The following SPATA13 variants were observed in gnomAD, a reference collection of about 807,000 sequenced individuals.
SPATA13 encodes the protein spermatogenesis associated 13, also known as spermatogenesis-associated protein 13.
A neutral mutation model predicts 104.0 loss-of-function variants in SPATA13; 50 were observed. That is an observed-to-expected ratio of 0.48 (90% CI 0.38 to 0.61). SPATA13 has a LOEUF of 0.61. SPATA13 is among the 20% of genes least tolerant of loss of function. SPATA13 has a pLI of 0.00. For missense variants in SPATA13, 1,524 were observed against 1,690.6 expected (o/e 0.90, Z 1.73); for synonymous variants, 606 against 667.5 (o/e 0.91, Z 1.42).
intron 3 of SPATA13, among the ~76,000 whole-genome samples, chr13:24,124,394 C>T (rs1037051413): frequency 5.3e-5 from 8 of 152,126 alleles, no homozygotes; most frequent in African/African-American, 9.7e-5. Flanking sequence ...AGGACACAGT[C>T]GAGGTGTAGA....
At chr13:24,287,362 T>G (rs1876030453) in intron 7 of SPATA13, among the ~76,000 whole-genome samples, 1 of 152,178 alleles carries the variant, frequency 6.6e-6, no homozygotes, top group African/African-American at 2.4e-5. Flanking sequence ...AGGGTCTCAC[T>G]GCGTTGCCGA....
intron 3 of SPATA13, among the ~76,000 whole-genome samples, chr13:24,106,603 A>T (rs879323738): frequency 6.6e-6 from 1 of 152,128 alleles, no homozygotes; most frequent in Admixed American, 6.5e-5. Context: ...TTTGTGTCTC[A>T]CTGGGTCTAA....
At chr13:24,164,568 T>C (rs1338856978) in intron 1 of SPATA13, among the ~76,000 whole-genome samples, 3 of 152,212 alleles carry the variant, frequency 2.0e-5, no homozygotes, top group Non-Finnish European at 4.4e-5. Flanking sequence ...CTCTGTGTTC[T>C]GTGGTTTAGG....
chr13:24,278,561 A>G, intron 4 of SPATA13: 1 of 1,261,638 alleles, frequency 7.9e-7, no homozygotes, highest in Non-Finnish European at 1.0e-6. Flanking sequence ...TACAAGCATG[A>G]GCTACCACGC....
intron 1 of SPATA13, among the ~76,000 whole-genome samples, chr13:24,171,910 T>G (rs1882985678): frequency 6.6e-6 from 1 of 152,196 alleles, no homozygotes; most frequent in African/African-American, 2.4e-5. Flanking sequence ...TACCTCAAAA[T>G]TCTTATTTAT....
rs566747508 is a variant in SPATA13, at chr13:24,171,772, T to C, written c.-112+10840T>C. On this transcript the variant is annotated intron_variant, in intron 1 of 12. Coordinates refer to ENST00000382108, the MANE Select transcript of SPATA13 (RefSeq NM_001166271.3). ...ACGTGAATAACAAAGTTTTGGTGCA[T>C]AGATGAGTTTCCTCAGCTGGAGGAA... is the stretch of plus-strand genomic sequence containing the variant. Among the ~76,000 whole-genome samples the C allele has an allele frequency of 1.6e-4, 25 of 152,320 alleles. 1 individual carries two copies. The South Asian group carries it at 3.3e-3, about 20-fold the overall frequency.
chr13:24,282,925 C>G (rs1875654306), intron 4 of SPATA13, among the ~76,000 whole-genome samples: 1 of 152,236 alleles, frequency 6.6e-6, no homozygotes, highest in South Asian at 2.1e-4. Flanking sequence ...TCTTCTCTTT[C>G]TGTCATATGA....
chr13:24,051,461 C>CCTTG lies in SPATA13; in HGVS notation c.-112+33762_-112+33765dup, dbSNP rs1478887598. On this transcript the variant is annotated intron_variant, in intron 3 of 14. Coordinates refer to the SPATA13 transcript ENST00000424834. This position sits in a 1 kb window ranked among gnomAD's most constrained non-coding sequence, Gnocchi z 4.2. ...GGCTCTCGCCTCCAGTTTCACACATCCTTGCACCTGCCTGGGCGATGGCAC... is the reference window on the plus strand; with the variant it reads ...GGCTCTCGCCTCCAGTTTCACACATCCTTGCTTGCACCTGCCTGGGCGATGGCAC... Among the ~76,000 whole-genome samples the CCTTG allele has an allele frequency of 1.3e-5, 2 of 152,006 alleles. No homozygotes were observed. The highest frequency in any genetic ancestry group is 2.4e-5 in the African/African-American group (1 of 41,254).
intron 3 of SPATA13, chr13:24,121,998 T>C (rs1881045266): frequency 2.7e-6 from 3 of 1,106,034 alleles, no homozygotes; most frequent in Non-Finnish European, 4.2e-6. Flanking sequence ...GAACCACTTC[T>C]GGAACCACTG....
In SPATA13 at chr13:24,294,788, T is replaced by C. The variant is rs777370643; in HGVS notation, c.3130T>C (p.Cys1044Arg). The C allele has an allele frequency of 3.1e-6, 5 of 1,610,904 alleles. No individual in the cohort carries two copies. The highest frequency in any genetic ancestry group is 1.1e-5 in the South Asian group (1 of 90,990). ...AAYEAMKNVA[C>R]LINERKRKLE... ...ATATGAGGCCATGAAGAATGTGGCCTGTCTGATCAACGAGCGCAAGCGCAA... is the reference window on the plus strand; with the variant it reads ...ATATGAGGCCATGAAGAATGTGGCCCGTCTGATCAACGAGCGCAAGCGCAA... Residue 1044 changes from cysteine (C) to arginine (R), a missense_variant, in exon 10 of 13, where the codon TGT becomes CGT. Coordinates refer to ENST00000382108, the MANE Select transcript of SPATA13 (RefSeq NM_001166271.3).
At chr13:24,204,200 G>A (rs1384467752) in intron 1 of SPATA13, among the ~76,000 whole-genome samples, 1 of 152,142 alleles carries the variant, frequency 6.6e-6, no homozygotes, top group African/African-American at 2.4e-5. Context: ...ACAGTTACAG[G>A]AATAATACCA....
chr13:24,154,101 G>T (rs887315151), intron 3 of SPATA13, among the ~76,000 whole-genome samples: 1 of 151,540 alleles, frequency 6.6e-6, no homozygotes, highest in African/African-American at 2.4e-5. Context: ...CCACTTGTGG[G>T]AGTGTAAACT....
At chr13:23,992,642 C>T (rs1473747290) in intron 2 of SPATA13, among the ~76,000 whole-genome samples, 1 of 152,162 alleles carries the variant, frequency 6.6e-6, no homozygotes, top group Non-Finnish European at 1.5e-5. Context: ...CCGGGACTCT[C>T]TTTAAGAAAT....
At chr13:24,170,616 A>G (rs1165476086) in intron 1 of SPATA13, among the ~76,000 whole-genome samples, 1 of 148,956 alleles carries the variant, frequency 6.7e-6, no homozygotes, top group Non-Finnish European at 1.5e-5. Context: ...CTTTTGAAGA[A>G]CACTCTGTGT....
At chr13:24,292,178 TCATTTCGTG>T (rs1876437535) in intron 9 of SPATA13, among the ~76,000 whole-genome samples, 1 of 152,228 alleles carries the variant, frequency 6.6e-6, no homozygotes, top group Admixed American at 6.5e-5. Context: ...TAGCCAACCA[TCATTTCGTG>T]CATGCACAGA....
chr13:24,169,612 G>A (rs781049934), intron 1 of SPATA13, among the ~76,000 whole-genome samples: 12 of 152,158 alleles, frequency 7.9e-5, no homozygotes, highest in Non-Finnish European at 1.5e-4. Context: ...ATGTGGCTCC[G>A]GGAGCATCAA....
intron 2 of SPATA13, among the ~76,000 whole-genome samples, chr13:24,228,085 T>C (rs1593439628): frequency 6.7e-6 from 1 of 148,844 alleles, no homozygotes; most frequent in African/African-American, 2.5e-5. Flanking sequence ...TTTGTAAAAA[T>C]AGGGTTTCTC....
chr13:24,065,068 A>ATAATTT (rs1443653828), intron 3 of SPATA13, among the ~76,000 whole-genome samples: 4 of 152,206 alleles, frequency 2.6e-5, no homozygotes, highest in African/African-American at 9.7e-5. Context: ...GTAACTTTAC[A>ATAATTT]ACATTTATAG....
At chr13:24,236,484 A>T (rs1872574059) in intron 2 of SPATA13, among the ~76,000 whole-genome samples, 1 of 151,600 alleles carries the variant, frequency 6.6e-6, no homozygotes, top group Non-Finnish European at 1.5e-5. Context: ...AGTCCCAGCT[A>T]CTCGGGGAGG....
Sources: gnomAD v4.1 joint callset for allele counts (sites outside exome capture counted in the v4.1 genomes callset) on GRCh38, gnomAD v4.1.1 for gene constraint, Gnocchi (gnomAD v3.1) non-coding constraint, MANE v1.5 for transcripts, NCBI Gene and HGNC (gene_info 2026-07-23, HGNC 2026-07-21) for gene names.